The following SLC31A1 variants were observed in gnomAD, a reference collection of about 807,000 sequenced individuals.
The protein encoded by SLC31A1 is solute carrier family 31 member 1.
Under a neutral mutation model 17.2 loss-of-function variants are expected in SLC31A1, and 5 were observed. That is an observed-to-expected ratio of 0.29 (90% CI 0.15 to 0.61). SLC31A1 has a LOEUF of 0.61. Ranked by LOEUF, SLC31A1 falls within the 20% of genes least tolerant of loss-of-function variation. SLC31A1 has a pLI of 0.86. For synonymous variants in SLC31A1, 76 were observed against 78.8 expected (o/e 0.96, Z 0.19); for missense variants, 161 against 241.4 (o/e 0.67, Z 2.21).
intron 1 of SLC31A1, among the ~76,000 whole-genome samples, chr9:113,245,835 T>C (rs2119003490): frequency 6.6e-6 from 1 of 152,234 alleles, no homozygotes; most frequent in South Asian, 2.1e-4. Context: ...GGTTTCCTCA[T>C]GTTGCCCAGG....
At chr9:113,241,824 A>G (rs745895780) in intron 1 of SLC31A1, among the ~76,000 whole-genome samples, 1 of 152,236 alleles carries the variant, frequency 6.6e-6, no homozygotes, top group African/African-American at 2.4e-5. Flanking sequence ...ATTTCTCAAT[A>G]CCATTCTATC....
intron 1 of SLC31A1, among the ~76,000 whole-genome samples, chr9:113,239,372 T>C (rs1470475520): frequency 2.6e-5 from 4 of 152,176 alleles, no homozygotes; most frequent in African/African-American, 4.8e-5. Context: ...ATTAGATGAT[T>C]CTTCTCATCT....
At chr9:113,251,244 GA>G (rs1831648647) in intron 1 of SLC31A1, among the ~76,000 whole-genome samples, 1 of 152,020 alleles carries the variant, frequency 6.6e-6, no homozygotes, top group African/African-American at 2.4e-5. Flanking sequence ...CCAACATGGT[GA>G]AACCTCATCT....
At chr9:113,231,165 G>A (rs772601511) in intron 1 of SLC31A1, among the ~76,000 whole-genome samples, 4 of 152,120 alleles carry the variant, frequency 2.6e-5, no homozygotes, top group Non-Finnish European at 5.9e-5. Flanking sequence ...AAGGACAAGA[G>A]ACCAAGTAAA....
At chr9:113,225,979 CA>C (rs1587985974) in intron 1 of SLC31A1, among the ~76,000 whole-genome samples, 2 of 152,058 alleles carry the variant, frequency 1.3e-5, no homozygotes, top group East Asian at 3.9e-4. Context: ...GCTGAAAATA[CA>C]AAAATTAGTC....
intron 2 of SLC31A1, 166 bp downstream of exon 2, chr9:113,256,443 C>T: frequency 3.0e-6 from 2 of 670,762 alleles, no homozygotes; most frequent in Non-Finnish European, 4.8e-6. Context: ...GATTATGTGG[C>T]AAGCTACTTA....
At chr9:113,226,384 T>C (rs897505951) in intron 1 of SLC31A1, among the ~76,000 whole-genome samples, 5 of 152,150 alleles carry the variant, frequency 3.3e-5, no homozygotes, top group African/African-American at 1.2e-4. Flanking sequence ...GACTTAAGTA[T>C]AACAAGTCAT....
chr9:113,262,009 C>G lies in SLC31A1; in HGVS notation c.*1536C>G, dbSNP rs1022295927. Reference sequence around the variant, plus strand: ...GCTATAGCCAAAGTATTTTTACTAGCCTGTATGAAATCACTAGTCCTTATT... The same window carrying G: ...GCTATAGCCAAAGTATTTTTACTAGGCTGTATGAAATCACTAGTCCTTATT... On this transcript the variant is annotated 3_prime_UTR_variant, in exon 5 of 5. Coordinates refer to ENST00000374212, the MANE Select transcript of SLC31A1 (RefSeq NM_001859.4). The G allele has an allele frequency of 2.0e-5, 3 of 152,632 alleles. No homozygotes were observed. Among genetic ancestry groups the G allele is most frequent in the Non-Finnish European group, 4.4e-5 (3 of 68,046 alleles). The allele number at this position is 152,632 out of a possible 1,614,324, so 9.5% of individuals were successfully genotyped here.
At chr9:113,246,646 C>T (rs556551634) in intron 1 of SLC31A1, among the ~76,000 whole-genome samples, 8 of 151,976 alleles carry the variant, frequency 5.3e-5, no homozygotes, top group Admixed American at 1.3e-4. Context: ...CCACTGCACG[C>T]GGCCGATAAT....
In SLC31A1 at chr9:113,229,869, T is replaced by C. The variant is rs145121095; in HGVS notation, c.-36+8191T>C. 7.4e-3 allele frequency among the ~76,000 whole-genome samples: 1,126 copies of C among 152,342 alleles called. 5 individuals are homozygous for C. Among genetic ancestry groups the C allele is most frequent in the Non-Finnish European group, 0.012 (833 of 68,036 alleles). On this transcript the variant is annotated intron_variant, in intron 1 of 4. Coordinates refer to ENST00000374212, the MANE Select transcript of SLC31A1 (RefSeq NM_001859.4). ...GTAATCTCTCCAAAATTATGTTGAA[T>C]TGCAGACTTCACTAAAGTCACCTGC... is the stretch of plus-strand genomic sequence containing the variant.
intron 1 of SLC31A1, among the ~76,000 whole-genome samples, chr9:113,228,780 T>C (rs1831369331): frequency 6.6e-6 from 1 of 152,232 alleles, no homozygotes; most frequent in Admixed American, 6.5e-5. Flanking sequence ...AGAATGTTAG[T>C]GTCATCATTT....
At chr9:113,232,676 T>TAAA (rs35958459) in intron 1 of SLC31A1, among the ~76,000 whole-genome samples, 5 of 129,186 alleles carry the variant, frequency 3.9e-5, no homozygotes, top group Non-Finnish European at 5.0e-5. Flanking sequence ...TACTAAAAAT[T>TAAA]AAAAAAAAAA....
intron 1 of SLC31A1, chr9:113,227,643 A>T (rs1157936218): frequency 6.6e-6 from 1 of 151,986 alleles, no homozygotes; most frequent in Admixed American, 6.6e-5. Context: ...CCTACTGAAT[A>T]AAAAAAAGGG....
At chr9:113,247,816 G>A (rs531847217) in intron 1 of SLC31A1, among the ~76,000 whole-genome samples, 1 of 152,102 alleles carries the variant, frequency 6.6e-6, no homozygotes, top group East Asian at 1.9e-4. Context: ...ATATTTAATA[G>A]CATTCAGAAC....
chr9:113,247,997 C>G (rs1408447077), intron 1 of SLC31A1, among the ~76,000 whole-genome samples: 1 of 152,060 alleles, frequency 6.6e-6, no homozygotes, highest in Admixed American at 6.6e-5. Context: ...ATAGTCAATT[C>G]CTAGACCATT....
intron 1 of SLC31A1, among the ~76,000 whole-genome samples, chr9:113,231,715 A>C (rs1413340459): frequency 6.6e-6 from 1 of 152,234 alleles, no homozygotes; most frequent in Non-Finnish European, 1.5e-5. Flanking sequence ...ATGTGTATGA[A>C]ATCATCAAGA....
intron 1 of SLC31A1, among the ~76,000 whole-genome samples, chr9:113,236,485 TC>T (rs1831461702): frequency 6.6e-6 from 1 of 152,114 alleles, no homozygotes; most frequent in African/African-American, 2.4e-5. Context: ...TGCCTCAACC[TC>T]CCGAGTAGCT....
At chr9:113,232,717 A>G (rs1225191719) in intron 1 of SLC31A1, among the ~76,000 whole-genome samples, 1 of 150,334 alleles carries the variant, frequency 6.7e-6, no homozygotes, top group African/African-American at 2.4e-5. Flanking sequence ...GGTGGCGGGC[A>G]CCCATAATCC....
At chr9:113,259,355 A>G (rs1831763991) in intron 4 of SLC31A1, among the ~76,000 whole-genome samples, 2 of 152,148 alleles carry the variant, frequency 1.3e-5, no homozygotes, top group African/African-American at 2.4e-5. Flanking sequence ...TTTAATAAAA[A>G]TGTAAGTCTT....
Sources: allele counts gnomAD v4.1 joint callset (sites outside exome capture counted in the v4.1 genomes callset), GRCh38; gene constraint gnomAD v4.1.1; transcripts MANE v1.5; gene names NCBI Gene and HGNC (gene_info 2026-07-23, HGNC 2026-07-21).